The following RASGRF2 variants were observed in gnomAD, a reference collection of about 807,000 sequenced individuals.
The protein encoded by RASGRF2 is ras-specific guanine nucleotide-releasing factor 2.
In RASGRF2, 76 loss-of-function variants were observed where a neutral mutation model predicts 151.0. The observed-to-expected ratio is 0.50, with a 90% CI of 0.42 to 0.61. The LOEUF (loss-of-function observed/expected upper bound fraction) is 0.61. Ranked by LOEUF, RASGRF2 falls within the 20% of genes least tolerant of loss-of-function variation. The probability of loss-of-function intolerance (pLI) is 0.00; values close to 1 mark genes in which losing one functional copy is unlikely to be tolerated. For synonymous variants in RASGRF2, 504 were observed against 566.5 expected, an observed-to-expected ratio of 0.89 and a Z score of 1.57; for missense variants, 1,148 against 1,564.6, an observed-to-expected ratio of 0.73 and a Z score of 4.49.
rs769425124 is a variant in RASGRF2, at chr5:81,215,863, C to T, written c.3355-13C>T. 1 of 1,509,180 alleles carries T rather than the reference C, an allele frequency of 6.6e-7. No homozygotes were observed. Among genetic ancestry groups the T allele is most frequent in the East Asian group, 2.5e-5 (1 of 40,040 alleles). The allele number at this position is 1,509,180 out of a possible 1,614,324, so 93.5% of individuals were successfully genotyped here. A position where few individuals can be genotyped will look rare whatever the true frequency, so the allele number is the denominator to read the frequency against. On this transcript the variant is annotated splice_polypyrimidine_tract_variant and intron_variant, in intron 23 of 26. Transcript: ENST00000265080. ...GTATTTTCATCACACTAAGTTTTTT[C>T]TTTTCTTTTTAGACAAAAGCTCTAA...
At position 81,112,744 on chromosome 5, in the gene RASGRF2, G is replaced by C; in HGVS notation, c.1973G>C (p.Ser658Thr). The change falls in exon 14 of 27, where the codon AGT becomes ACT. Residue 658 changes from serine to threonine, a missense_variant. Coordinates refer to ENST00000265080, the MANE Select transcript of RASGRF2 (RefSeq NM_006909.3). Reference protein sequence around the residue: ...LERLTDLRFLSIDFLNTFLHT... With the variant: ...LERLTDLRFLTIDFLNTFLHT... ...CGACTGACAGACTTGCGGTTTCTTA[G>C]TATTGATTTCCTCAACACCTTTCTG... is the stretch of plus-strand genomic sequence containing the variant. The C allele has an allele frequency of 6.2e-7, 1 of 1,614,194 alleles. No individual in the cohort carries two copies. The highest frequency in any genetic ancestry group is 8.5e-7 in the Non-Finnish European group (1 of 1,180,048).
At position 81,217,371 on chromosome 5, in the gene RASGRF2, A is replaced by T. The variant is rs754121151; in HGVS notation, c.3450A>T (p.Ala1150=). 1 of 1,611,082 alleles carries T rather than the reference A, an allele frequency of 6.2e-7. No individual in the cohort carries two copies. Among genetic ancestry groups the T allele is most frequent in the Non-Finnish European group, 8.5e-7 (1 of 1,179,184 alleles). ...RETLKNCNPP[A]VPYLGMYLTD... is the part of the protein sequence containing the mutation. ...GGTCTTGCAGTTGTAACCCTCCTGC[A>T]GTTCCTTATCTTGGGATGTACTTGA... The change falls in exon 25 of 27, where the codon GCA becomes GCT. Residue 1150 remains alanine (A), a synonymous_variant. Coordinates refer to ENST00000265080, the MANE Select transcript of RASGRF2 (RefSeq NM_006909.3).
chr5:80,984,061 C>T (rs957501596), intron 1 of RASGRF2, among the ~76,000 whole-genome samples: 5 of 151,994 alleles, frequency 3.3e-5, no homozygotes, highest in Non-Finnish European at 5.9e-5. Context: ...TTTCCTTCTT[C>T]TTCATCTTTT....
intron 1 of RASGRF2, among the ~76,000 whole-genome samples, chr5:81,040,278 C>T (rs1007984005): frequency 1.3e-5 from 2 of 152,036 alleles, no homozygotes; most frequent in Non-Finnish European, 2.9e-5. Context: ...AAAAGTGGTG[C>T]GATTACAGGT....
intron 1 of RASGRF2, among the ~76,000 whole-genome samples, chr5:80,996,569 T>TCCTCCTCCC (rs1748888202): frequency 1.5e-5 from 1 of 65,400 alleles, no homozygotes; most frequent in African/African-American, 6.4e-5. Flanking sequence ...CTCCTCCCCC[T>TCCTCCTCCC]CCTCCTCCTC....
At chr5:80,985,263 A>G (rs1487993673) in intron 1 of RASGRF2, among the ~76,000 whole-genome samples, 1 of 152,184 alleles carries the variant, frequency 6.6e-6, no homozygotes, top group Non-Finnish European at 1.5e-5. Flanking sequence ...TGAATGAAAC[A>G]GATTCTGACC....
At chr5:81,213,280 C>T (rs1190536737) in intron 23 of RASGRF2, among the ~76,000 whole-genome samples, 1 of 152,148 alleles carries the variant, frequency 6.6e-6, no homozygotes, top group Non-Finnish European at 1.5e-5. Flanking sequence ...GGCCTGCTTG[C>T]CCTGCCTGGG....
chr5:81,077,233 G>A (rs1751965159), intron 5 of RASGRF2, among the ~76,000 whole-genome samples: 1 of 152,118 alleles, frequency 6.6e-6, no homozygotes, highest in Non-Finnish European at 1.5e-5. Context: ...ATTGAGACAG[G>A]GAAGGGATGC....
Position 81,080,291 on chromosome 5 carries a change from T to C in RASGRF2, c.967+91T>C, listed in dbSNP as rs924463208. ...CCAACATTATTCAGCCTAAACTGTT[T>C]GCATCACCCTGTTGACCTGTGAGCT... is the stretch of plus-strand genomic sequence containing the variant. On this transcript the variant is annotated intron_variant, in intron 6 of 26. Transcript: ENST00000265080. The C allele has an allele frequency of 5.2e-6, 8 of 1,534,388 alleles. No individual in the cohort carries two copies. The Admixed American group carries it at 1.9e-4, about 36-fold the overall frequency.
chr5:81,148,115 G>A (rs1417399747), intron 17 of RASGRF2, among the ~76,000 whole-genome samples: 3 of 152,146 alleles, frequency 2.0e-5, no homozygotes, highest in Non-Finnish European at 2.9e-5. Context: ...TCATTACAAC[G>A]AGCCTGTGAA....
At chr5:81,087,681 G>C (rs1019003298) in intron 9 of RASGRF2, 9 of 372,256 alleles carry the variant, frequency 2.4e-5, no homozygotes, top group Admixed American at 1.2e-4. Flanking sequence ...TTTTTTTAGT[G>C]CTTAGGTCCT....
At chr5:81,183,969 G>A (rs954633248) in intron 18 of RASGRF2, among the ~76,000 whole-genome samples, 9 of 152,236 alleles carry the variant, frequency 5.9e-5, no homozygotes, top group African/African-American at 2.2e-4. Context: ...CAACCAGCCT[G>A]TAAGCTCCTT....
At chr5:81,217,764 A>T (rs1755774960) in intron 25 of RASGRF2, among the ~76,000 whole-genome samples, 1 of 143,474 alleles carries the variant, frequency 7.0e-6, no homozygotes. Context: ...TTTTTTTGAG[A>T]CAGAGTCTCG....
intron 1 of RASGRF2, among the ~76,000 whole-genome samples, chr5:80,965,214 G>A (rs111289120): frequency 0.011 from 1,692 of 152,134 alleles, 42 homozygotes; most frequent in African/African-American, 0.039. Context: ...GCAGAGCTGC[G>A]TGCGAACTCT....
At chr5:81,145,295 C>T (rs933951591) in intron 17 of RASGRF2, among the ~76,000 whole-genome samples, 3 of 150,278 alleles carry the variant, frequency 2.0e-5, no homozygotes, top group African/African-American at 7.4e-5. Context: ...ACCACCCTAA[C>T]CTCTGCCTTA....
intron 1 of RASGRF2, among the ~76,000 whole-genome samples, chr5:81,031,573 C>G (rs1377853529): frequency 6.6e-6 from 1 of 152,128 alleles, no homozygotes; most frequent in Non-Finnish European, 1.5e-5. Context: ...GAAATGAAGG[C>G]AGAAATAAAG....
chr5:81,085,711 C>A, intron 7 of RASGRF2, 91 bp from the exon 8 acceptor site: 1 of 1,551,376 alleles, frequency 6.4e-7, no homozygotes, highest in Non-Finnish European at 8.7e-7. Flanking sequence ...AGAGTAGAGA[C>A]AAGCTTCTCG....
intron 12 of RASGRF2, among the ~76,000 whole-genome samples, chr5:81,097,646 A>T (rs1286201593): frequency 6.6e-6 from 1 of 152,166 alleles, no homozygotes; most frequent in African/African-American, 2.4e-5. Flanking sequence ...GTAGTAGGTG[A>T]TGGAGATACC....
chr5:81,208,286 T>A, intron 21 of RASGRF2, 68 bp from the exon 22 acceptor site: 1 of 1,331,268 alleles, frequency 7.5e-7, no homozygotes, highest in Non-Finnish European at 1.1e-6. Flanking sequence ...TCGTGACAAC[T>A]GTCCAGGATC....
Sources: allele counts gnomAD v4.1 joint callset (sites outside exome capture counted in the v4.1 genomes callset), GRCh38; gene constraint gnomAD v4.1.1; transcripts MANE v1.5; gene names NCBI Gene and HGNC (gene_info 2026-07-23, HGNC 2026-07-21).